The following SH3BP5 variants were observed in gnomAD, a reference collection of about 807,000 sequenced individuals.
SH3BP5 encodes the protein SH3 domain-binding protein 5.
In SH3BP5, 22 loss-of-function variants were observed where a neutral mutation model predicts 43.3. That is an observed-to-expected ratio of 0.51 (90% CI 0.36 to 0.73). The LOEUF (loss-of-function observed/expected upper bound fraction) is 0.73, where lower values mean the gene tolerates loss of function less well. SH3BP5 is among the 30% of genes least tolerant of loss of function. The pLI, the probability that SH3BP5 is intolerant of heterozygous loss-of-function variation, is 0.00. For synonymous variants in SH3BP5, 255 were observed against 225.8 expected (o/e 1.13, Z -1.16); for missense variants, 529 against 586.9 (o/e 0.90, Z 1.02).
intron 2 of SH3BP5, among the ~76,000 whole-genome samples, chr3:15,318,936 G>T (rs1321979439): frequency 6.6e-6 from 1 of 152,120 alleles, no homozygotes; most frequent in Non-Finnish European, 1.5e-5. Flanking sequence ...TTCCAAGTGG[G>T]GAAGCAGATT....
Position 15,274,938 on chromosome 3 carries a change from A to C in SH3BP5, c.331-5061T>G, listed in dbSNP as rs575321640. 2.0e-5 allele frequency among the ~76,000 whole-genome samples: 3 copies of C among 152,316 alleles called. No homozygotes were observed. The East Asian group carries it at 5.8e-4, about 29-fold the overall frequency. ...AGGTGGTGCTATACCATTCATGAGC[A>C]ACAGCCTCCATGATTAAATCATCTC... On this transcript the variant is annotated intron_variant, in intron 3 of 8. Coordinates refer to ENST00000383791, the MANE Select transcript of SH3BP5 (RefSeq NM_004844.5).
chr3:15,280,451 A>G (rs1157349950), intron 3 of SH3BP5, among the ~76,000 whole-genome samples: 1 of 152,174 alleles, frequency 6.6e-6, no homozygotes, highest in African/African-American at 2.4e-5. Flanking sequence ...AGAACCAAAT[A>G]ACAGGGTCTT....
chr3:15,269,607 G>T, intron 4 of SH3BP5, 106 bp downstream of exon 4: 4 of 1,251,368 alleles, frequency 3.2e-6, no homozygotes, highest in Non-Finnish European at 4.4e-6. Context: ...TTTTCAGGGT[G>T]TTTTCAGGCA....
At chr3:15,261,104 G>C (rs1042978919) in intron 5 of SH3BP5, among the ~76,000 whole-genome samples, 1 of 152,116 alleles carries the variant, frequency 6.6e-6, no homozygotes, top group African/African-American at 2.4e-5. Context: ...AACAACCCTC[G>C]CCACCTCCTG....
chr3:15,333,210 A>G, upstream of SH3BP5: 1 of 985,492 alleles, frequency 1.0e-6, no homozygotes, highest in Non-Finnish European at 1.2e-6. Context: ...TCTGCCCACC[A>G]TCAACAAGTA....
chr3:15,308,113 T>C (rs1697960073), intron 2 of SH3BP5, among the ~76,000 whole-genome samples: 1 of 152,202 alleles, frequency 6.6e-6, no homozygotes, highest in African/African-American at 2.4e-5. Flanking sequence ...CCTATCACTC[T>C]GGTGTCTGAA....
intron 2 of SH3BP5, among the ~76,000 whole-genome samples, chr3:15,324,754 A>T (rs1698417672): frequency 6.6e-6 from 1 of 151,958 alleles, no homozygotes; most frequent in Non-Finnish European, 1.5e-5. Flanking sequence ...GATTTGTGCT[A>T]ATAATTCATG....
intron 1 of SH3BP5, among the ~76,000 whole-genome samples, chr3:15,337,786 G>T (rs1198278831): frequency 6.6e-6 from 1 of 151,412 alleles, no homozygotes; most frequent in African/African-American, 2.4e-5. Flanking sequence ...GTGGTGGTGT[G>T]TACCTATAGT....
rs528906263 is a variant in SH3BP5, at chr3:15,313,512, C to T, written c.202-9281G>A. Among the ~76,000 whole-genome samples, 6 of 152,344 alleles carry T rather than the reference C, an allele frequency of 3.9e-5. No individual in the cohort carries two copies. In the South Asian group the frequency reaches 1.2e-3, roughly 32 times the overall value. ...AACTGAAATGTTCCATTCACTATCA[C>T]TTTTAATGGCAAAAACCACAATTAC... On this transcript the variant is annotated intron_variant, in intron 2 of 8. Transcript: ENST00000383791.
At chr3:15,332,846 G>A (rs1698651938), upstream of SH3BP5, among the ~76,000 whole-genome samples, 1 of 152,212 alleles carries the variant, frequency 6.6e-6, no homozygotes. Flanking sequence ...CCTCCTCCGA[G>A]GCTCGTTGTT....
In SH3BP5 at chr3:15,259,596, TGAAGACCCAACC is replaced by T. The variant is rs147471299; in HGVS notation, c.669+153_669+164del. ...GCAGTTACAGAGGTTCAGAGACCAC[TGAAGACCCAACC>T]GAGACAATTTTGAGGTCTGAAAACT... is the stretch of plus-strand genomic sequence containing the variant. On this transcript the variant is annotated intron_variant, in intron 6 of 8. Transcript: ENST00000383791. 6.2e-4 allele frequency: 476 copies of T among 767,566 alleles called. 7 individuals are homozygous for T. In the East Asian group the frequency reaches 8.7e-3, roughly 14 times the overall value. The allele number at this position is 767,566 out of a possible 1,614,324, so 47.5% of individuals were successfully genotyped here. A position where few individuals can be genotyped will look rare whatever the true frequency, so the allele number is the denominator to read the frequency against.
intron 2 of SH3BP5, among the ~76,000 whole-genome samples, chr3:15,315,954 T>G (rs1350524336): frequency 2.0e-5 from 3 of 152,196 alleles, no homozygotes; most frequent in African/African-American, 7.2e-5. Flanking sequence ...CAGAGTATAA[T>G]AATCAAAGTC....
intron 6 of SH3BP5, 34 bp from the exon 7 acceptor site, chr3:15,259,084 A>ACC (rs1559423719): frequency 6.5e-7 from 1 of 1,530,592 alleles, no homozygotes. Context: ...AGTGAAGACT[A>ACC]CCCTGCTAGC....
chr3:15,256,685 G>C (rs978600195), intron 8 of SH3BP5, 168 bp downstream of exon 8: 2 of 788,746 alleles, frequency 2.5e-6, no homozygotes, highest in East Asian at 2.7e-5. Context: ...AGCCCCCCCA[G>C]AACAGCACTT....
intron 3 of SH3BP5, among the ~76,000 whole-genome samples, chr3:15,296,694 C>CTTTTTTTTTTTTTT (rs370273754): frequency 1.6e-5 from 2 of 124,968 alleles, no homozygotes; most frequent in African/African-American, 3.5e-5. Flanking sequence ...AGTGTTTTTC[C>CTTTTTTTTTTTTTT]TTTTTTTTTT....
intron 3 of SH3BP5, among the ~76,000 whole-genome samples, chr3:15,274,110 G>C (rs1696892395): frequency 6.6e-6 from 1 of 151,998 alleles, no homozygotes; most frequent in Non-Finnish European, 1.5e-5. Flanking sequence ...GCTGGGTGTG[G>C]TGGCAGAAGT....
Position 15,305,688 on chromosome 3 carries a change from G to C in SH3BP5, c.202-1457C>G, listed in dbSNP as rs1004400703. Among the ~76,000 whole-genome samples the C allele has an allele frequency of 2.6e-5, 4 of 152,258 alleles. No individual in the cohort carries two copies. In the South Asian group the frequency reaches 6.2e-4, roughly 24 times the overall value. On this transcript the variant is annotated intron_variant, in intron 2 of 8. Coordinates refer to ENST00000383791, the MANE Select transcript of SH3BP5 (RefSeq NM_004844.5). The stretch of plus-strand genomic sequence containing the variant: ...CAGCAGAGCCTGTGTCCAGATAAGA[G>C]GGGAATGGGAACAGCATGGTGTCTG...
intron 6 of SH3BP5, chr3:15,259,521 G>C: frequency 3.3e-6 from 2 of 604,438 alleles, no homozygotes. Context: ...GGTCCTAAGA[G>C]CATGCTGTGA....
chr3:15,269,754 C>T lies in SH3BP5; in HGVS notation c.454G>A (p.Asp152Asn), dbSNP rs775925372. The T allele has an allele frequency of 5.6e-6, 9 of 1,611,024 alleles. No individual in the cohort carries two copies. The East Asian group carries it at 8.9e-5, about 16-fold the overall frequency. Residue 152 changes from aspartate (D) to asparagine (N), a missense_variant, in exon 4 of 9, where the codon GAC (aspartate) becomes AAC (asparagine). Physicochemically the swap from Asp to Asn is conservative, Grantham distance 23 (BLOSUM62 1). Coordinates refer to ENST00000383791, the MANE Select transcript of SH3BP5 (RefSeq NM_004844.5). ...TTCAGCATCTCCTGCCAGGCGGAGT[C>T]GAACTGCCGCTTGTCATCCTCCAGC... is the stretch of plus-strand genomic sequence containing the variant. ...RLLEDDKRQF[D>N]SAWQEMLNHA...
Sources: allele counts gnomAD v4.1 joint callset (sites outside exome capture counted in the v4.1 genomes callset), GRCh38; gene constraint gnomAD v4.1.1; transcripts MANE v1.5; gene names NCBI Gene and HGNC (gene_info 2026-07-23, HGNC 2026-07-21).